SRPK2: variants seen among roughly 807,000 people sequenced by gnomAD.
SRPK2 encodes SRSF protein kinase 2.
A neutral mutation model predicts 90.8 loss-of-function variants in SRPK2; 21 were observed. The ratio of observed to expected loss-of-function variants is 0.23; its 90% CI spans 0.16 to 0.33. The LOEUF is 0.33. SRPK2 is among the 10% of genes least tolerant of loss of function. The pLI is 1.00. For synonymous variants in SRPK2, 288 were observed against 311.1 expected (o/e 0.93, Z 0.78); for missense variants, 620 against 869.0 (o/e 0.71, Z 3.60).
upstream of SRPK2, chr7:105,389,448 C>A: frequency 8.5e-7 from 1 of 1,182,248 alleles, no homozygotes; most frequent in Non-Finnish European, 1.1e-6. Flanking sequence ...CCGCGATTAG[C>A]GGTGTGACCT....
At chr7:105,328,708 C>CA (rs1813899458) in intron 2 of SRPK2, among the ~76,000 whole-genome samples, 1 of 149,226 alleles carries the variant, frequency 6.7e-6, no homozygotes. Context: ...ACTAAAAATA[C>CA]AAAAAAATTA....
chr7:105,267,085 G>T (rs1212432363), intron 2 of SRPK2, among the ~76,000 whole-genome samples: 1 of 152,088 alleles, frequency 6.6e-6, no homozygotes, highest in Non-Finnish European at 1.5e-5. Context: ...AGCAATAGTG[G>T]CTGATTTCTA....
chr7:105,346,713 G>A (rs1425515984), intron 2 of SRPK2, among the ~76,000 whole-genome samples: 4 of 151,748 alleles, frequency 2.6e-5, no homozygotes, highest in East Asian at 1.9e-4. Flanking sequence ...AGCCAAGATC[G>A]CACCACTGCA....
intron 2 of SRPK2, among the ~76,000 whole-genome samples, chr7:105,366,083 G>T (rs142258402): frequency 4.6e-5 from 7 of 152,112 alleles, no homozygotes; most frequent in African/African-American, 1.7e-4. Flanking sequence ...TTGATCTCTT[G>T]ACCTTGTGAT....
chr7:105,326,373 T>C (rs992657215), intron 2 of SRPK2, among the ~76,000 whole-genome samples: 2 of 152,230 alleles, frequency 1.3e-5, no homozygotes, highest in African/African-American at 4.8e-5. Flanking sequence ...AAGAACTTTT[T>C]CATACTGCTT....
At chr7:105,202,624 C>G (rs1319625960) in intron 3 of SRPK2, among the ~76,000 whole-genome samples, 24 of 152,182 alleles carry the variant, frequency 1.6e-4, no homozygotes, top group Admixed American at 1.5e-3. Flanking sequence ...GAGTTTAACT[C>G]TTGGTCTTTA....
intron 2 of SRPK2, among the ~76,000 whole-genome samples, chr7:105,284,815 T>C (rs184614785): frequency 6.6e-6 from 1 of 152,246 alleles, no homozygotes. Flanking sequence ...TACAATATTA[T>C]GAAGTACCAC....
chr7:105,339,192 T>C (rs1038462944), intron 2 of SRPK2, among the ~76,000 whole-genome samples: 17 of 152,224 alleles, frequency 1.1e-4, no homozygotes, highest in African/African-American at 4.1e-4. Flanking sequence ...TCATATTTTA[T>C]GTATAATTCT....
chr7:105,357,136 A>G (rs987586874), intron 2 of SRPK2, among the ~76,000 whole-genome samples: 14 of 151,142 alleles, frequency 9.3e-5, no homozygotes, highest in Admixed American at 1.3e-4. Flanking sequence ...TCCCAGGTTC[A>G]TGCCATTCTC....
At chr7:105,235,639 G>A (rs1000778072) in intron 2 of SRPK2, among the ~76,000 whole-genome samples, 1 of 151,960 alleles carries the variant, frequency 6.6e-6, no homozygotes, top group Non-Finnish European at 1.5e-5. Flanking sequence ...TTATTGTTTT[G>A]CTTTTTCATA....
intron 10 of SRPK2, 142 bp from the exon 11 acceptor site, chr7:105,142,632 A>C (rs1803961109): frequency 1.7e-6 from 2 of 1,156,762 alleles, no homozygotes; most frequent in Admixed American, 2.9e-5. Context: ...TTGGGGTAAA[A>C]CCTTCAGGTT....
chr7:105,144,520 C>T lies in SRPK2; in HGVS notation c.813+763G>A, dbSNP rs192495627. On this transcript the variant is annotated intron_variant, in intron 9 of 15. Coordinates refer to ENST00000393651, the MANE Select transcript of SRPK2 (RefSeq NM_182692.3). ...CCTCCCAAAGTGCAGGGATTACAGG[C>T]GTGAGTCACCACACCCAGTATCTAA... is the stretch of plus-strand genomic sequence containing the variant. Among the ~76,000 whole-genome samples, 210 of 152,034 alleles carry T rather than the reference C, an allele frequency of 1.4e-3. 1 individual carries two copies. The highest frequency in any genetic ancestry group is 3.4e-3 in the Middle Eastern group (1 of 294).
chr7:105,236,243 C>A (rs994256721), intron 2 of SRPK2, among the ~76,000 whole-genome samples: 1 of 152,168 alleles, frequency 6.6e-6, no homozygotes, highest in Admixed American at 6.6e-5. Flanking sequence ...GAGTTTAGGA[C>A]AGGGAAATGA....
intron 2 of SRPK2, among the ~76,000 whole-genome samples, chr7:105,266,996 T>C (rs2130357866): frequency 6.6e-6 from 1 of 152,300 alleles, no homozygotes; most frequent in African/African-American, 2.4e-5. Context: ...AACCATTAAG[T>C]CAGGACAGCA....
At chr7:105,393,801 C>T (rs1028672624), upstream of SRPK2, among the ~76,000 whole-genome samples, 1 of 152,046 alleles carries the variant, frequency 6.6e-6, no homozygotes, top group African/African-American at 2.4e-5. Flanking sequence ...TGGTGGCTCT[C>T]ATTTATAATT....
chr7:105,380,756 T>C (rs1312873841), intron 2 of SRPK2, among the ~76,000 whole-genome samples: 1 of 151,722 alleles, frequency 6.6e-6, no homozygotes, highest in Non-Finnish European at 1.5e-5. Context: ...TCTCCTGACC[T>C]TGTGATCTGC....
intron 3 of SRPK2, among the ~76,000 whole-genome samples, chr7:105,176,037 A>G (rs1047723767): frequency 6.6e-6 from 1 of 152,200 alleles, no homozygotes; most frequent in African/African-American, 2.4e-5. Context: ...AGAAAACTGC[A>G]GACCAATTTT....
At chr7:105,297,574 CAGA>C (rs1389210395) in intron 2 of SRPK2, 2 of 838,496 alleles carry the variant, frequency 2.4e-6, no homozygotes, top group African/African-American at 3.7e-5. Context: ...TTTAGACATA[CAGA>C]AGGTCCACGC....
intron 8 of SRPK2, among the ~76,000 whole-genome samples, chr7:105,145,762 G>T (rs1804526721): frequency 6.6e-6 from 1 of 152,172 alleles, no homozygotes; most frequent in Admixed American, 6.5e-5. Flanking sequence ...GCAGCAAATA[G>T]TCTAGGAATC....
Sources: gnomAD v4.1 joint callset for allele counts (sites outside exome capture counted in the v4.1 genomes callset) on GRCh38, gnomAD v4.1.1 for gene constraint, MANE v1.5 for transcripts, NCBI Gene and HGNC (gene_info 2026-07-23, HGNC 2026-07-21) for gene names.